GIGYF2: variants seen among roughly 807,000 people sequenced by gnomAD.
GIGYF2 encodes the protein GRB10 interacting GYF protein 2, also known as GRB10-interacting GYF protein 2.
A neutral mutation model predicts 208.1 loss-of-function variants in GIGYF2; 25 were observed. That is an observed-to-expected ratio of 0.12 (90% CI 0.09 to 0.17). The LOEUF is 0.17. GIGYF2 is among the 10% of genes least tolerant of loss of function. The pLI, the probability that GIGYF2 is intolerant of heterozygous loss-of-function variation, is 1.00. For synonymous variants in GIGYF2, 534 were observed against 543.8 expected, an observed-to-expected ratio of 0.98 and a Z score of 0.25; for missense variants, 1,302 against 1,579.4, an observed-to-expected ratio of 0.82 and a Z score of 2.98.
chr2:232,725,329 AATTG>A (rs1290018859), intron 2 of GIGYF2, among the ~76,000 whole-genome samples: 11 of 152,346 alleles, frequency 7.2e-5, no homozygotes, highest in Non-Finnish European at 1.5e-4. Context: ...CTGTTGAACA[AATTG>A]ATTATCTTCC....
intron 5 of GIGYF2, among the ~76,000 whole-genome samples, chr2:232,749,656 A>G (rs1183204731): frequency 1.3e-5 from 2 of 152,152 alleles, no homozygotes; most frequent in African/African-American, 2.4e-5. Context: ...GGAACTTATG[A>G]TAACTGTAGA....
chr2:232,747,301 G>C (rs1422418331), intron 3 of GIGYF2, among the ~76,000 whole-genome samples: 2 of 152,028 alleles, frequency 1.3e-5, no homozygotes, highest in Non-Finnish European at 2.9e-5. Flanking sequence ...TCTCACTTTT[G>C]TTTTAATCAT....
At chr2:232,820,120 G>A in intron 21 of GIGYF2, 135 bp downstream of exon 21, 1 of 829,692 alleles carries the variant, frequency 1.2e-6, no homozygotes, top group Non-Finnish European at 2.0e-6. Context: ...AACCTAACTG[G>A]CTCTTATTAC....
At chr2:232,769,505 CA>C (rs34912964) in intron 8 of GIGYF2, among the ~76,000 whole-genome samples, 4,459 of 66,482 alleles carry the variant, frequency 0.067, 89 homozygotes, top group African/African-American at 0.13. Flanking sequence ...GACTCCATCT[CA>C]AAAAAAAAAA....
At chr2:232,756,105 G>C (rs542367363) in intron 5 of GIGYF2, 118 bp from the exon 6 acceptor site, 11 of 640,010 alleles carry the variant, frequency 1.7e-5, no homozygotes, top group Middle Eastern at 4.2e-4. Context: ...GTAATTAGAT[G>C]CCTTTTTATA....
At chr2:232,745,885 C>T (rs989820668) in intron 3 of GIGYF2, among the ~76,000 whole-genome samples, 17 of 152,090 alleles carry the variant, frequency 1.1e-4, no homozygotes, top group Admixed American at 5.9e-4. Flanking sequence ...TATACTCAGT[C>T]ACCAGTTTAC....
chr2:232,791,587 C>T (rs1214490786), intron 12 of GIGYF2, 141 bp downstream of exon 12: 4 of 773,476 alleles, frequency 5.2e-6, no homozygotes, highest in East Asian at 5.4e-5. Context: ...ACCAGTAAAC[C>T]CAGTCAAACA....
intron 21 of GIGYF2, among the ~76,000 whole-genome samples, chr2:232,821,274 C>T (rs1366450518): frequency 1.3e-5 from 2 of 152,210 alleles, no homozygotes; most frequent in Admixed American, 6.5e-5. Context: ...GCCATCTTGA[C>T]TTACTGCAGC....
intron 3 of GIGYF2, among the ~76,000 whole-genome samples, chr2:232,742,512 C>G (rs1369525756): frequency 2.0e-5 from 3 of 152,146 alleles, no homozygotes; most frequent in Non-Finnish European, 4.4e-5. Flanking sequence ...GATAGTGCCA[C>G]TGCACTCCAG....
intron 17 of GIGYF2, among the ~76,000 whole-genome samples, chr2:232,812,000 C>T (rs1250310101): frequency 6.6e-6 from 1 of 152,176 alleles, no homozygotes; most frequent in Non-Finnish European, 1.5e-5. Flanking sequence ...TAATGTAACA[C>T]ACAGGAAACT....
intron 12 of GIGYF2, among the ~76,000 whole-genome samples, chr2:232,793,306 T>G (rs1036108512): frequency 2.6e-5 from 4 of 152,184 alleles, no homozygotes; most frequent in African/African-American, 9.7e-5. Flanking sequence ...GAGCAGTCAC[T>G]ATGGGGTAGA....
chr2:232,702,163 G>C (rs1173495160), intron 1 of GIGYF2, among the ~76,000 whole-genome samples: 1 of 152,156 alleles, frequency 6.6e-6, no homozygotes, highest in Non-Finnish European at 1.5e-5. Flanking sequence ...AACTGGCCGG[G>C]TGCAGTGGCT....
chr2:232,748,897 GA>G, intron 4 of GIGYF2, 89 bp from the exon 5 acceptor site: 1 of 769,478 alleles, frequency 1.3e-6, no homozygotes, highest in Non-Finnish European at 2.4e-6. Context: ...ACAATAAATA[GA>G]AGAGTATTCT....
chr2:232,703,312 A>T (rs1022594886), intron 1 of GIGYF2, 112 bp from the exon 2 acceptor site: 2 of 152,608 alleles, frequency 1.3e-5, no homozygotes, highest in Non-Finnish European at 2.9e-5. Flanking sequence ...TACTCTTTTA[A>T]CCAGGTTTGG....
At chr2:232,735,270 T>G in intron 3 of GIGYF2, 32 bp downstream of exon 3, 1 of 1,469,060 alleles carries the variant, frequency 6.8e-7, no homozygotes, top group Non-Finnish European at 9.5e-7. Flanking sequence ...TTCTTTGATA[T>G]TGGATGACTA....
At chr2:232,802,314 C>T (rs556579745) in intron 14 of GIGYF2, among the ~76,000 whole-genome samples, 9 of 151,924 alleles carry the variant, frequency 5.9e-5, no homozygotes, top group African/African-American at 1.9e-4. Context: ...TGAAAGTGGG[C>T]GTCCTTCGCT....
Position 232,845,870 on chromosome 2 carries a change from G to A in GIGYF2, c.3444G>A (p.Thr1148=), listed in dbSNP as rs1701984149. 2.5e-6 allele frequency: 4 copies of A among 1,606,228 alleles called. No individual in the cohort carries two copies. The highest frequency in any genetic ancestry group is 1.3e-5 in the African/African-American group (1 of 74,724). The change falls in exon 26 of 29, where the codon ACG becomes ACA. Residue 1148 remains threonine, a synonymous_variant. Coordinates refer to ENST00000373563, the MANE Select transcript of GIGYF2 (RefSeq NM_001103146.3). ...AACAGATGCTTCATGCCCTTAATAC[G>A]GCAAATAACTTGGATGGTAAGAATT... ...WCEQMLHALN[T]ANNLDVPTFV...
At chr2:232,701,819 A>G (rs1695859177) in intron 1 of GIGYF2, among the ~76,000 whole-genome samples, 1 of 152,068 alleles carries the variant, frequency 6.6e-6, no homozygotes, top group East Asian at 1.9e-4. Context: ...AACTTTACCC[A>G]CTGAACTGTG....
In GIGYF2 at chr2:232,783,140, A is replaced by G. The variant is rs929745777; in HGVS notation, c.533-4010A>G. On this transcript the variant is annotated intron_variant, in intron 8 of 28. Transcript: ENST00000373563. ...ATGAAAAATGTGGCTGTACTAACAA[A>G]AGAGAGACAAATTTAAAACAACCTT... Among the ~76,000 whole-genome samples, 28 of 152,196 alleles carry G rather than the reference A, an allele frequency of 1.8e-4. 1 individual carries two copies. The highest frequency in any genetic ancestry group is 6.3e-4 in the African/African-American group (26 of 41,446).
Sources: gnomAD v4.1 joint callset for allele counts (sites outside exome capture counted in the v4.1 genomes callset) on GRCh38, gnomAD v4.1.1 for gene constraint, MANE v1.5 for transcripts, NCBI Gene and HGNC (gene_info 2026-07-23, HGNC 2026-07-21) for gene names.